PDE4D: variants seen among roughly 807,000 people sequenced by gnomAD.
PDE4D encodes the protein phosphodiesterase 4D.
Under a neutral mutation model 87.4 loss-of-function variants are expected in PDE4D, and 24 were observed. The observed-to-expected ratio is 0.27, with a 90% CI of 0.20 to 0.39. PDE4D has a LOEUF of 0.39. PDE4D is among the 10% of genes least tolerant of loss of function. The pLI is 1.00. For missense variants in PDE4D, 714 were observed against 1,041.0 expected (o/e 0.69, Z 4.32); for synonymous variants, 384 against 383.2 (o/e 1.00, Z -0.02).
At chr5:59,254,139 T>G (rs779543811) in intron 1 of PDE4D, among the ~76,000 whole-genome samples, 14 of 152,010 alleles carry the variant, frequency 9.2e-5, no homozygotes, top group South Asian at 2.1e-4. Context: ...GTGCGGAAAG[T>G]AAAGACTCCC....
chr5:59,940,245 C>A (rs954234826), intron 3 of PDE4D, among the ~76,000 whole-genome samples: 7 of 152,194 alleles, frequency 4.6e-5, no homozygotes, highest in African/African-American at 1.7e-4. Flanking sequence ...GTTTCGGTTT[C>A]TTTCCTATGG....
At chr5:59,339,570 G>A (rs1184199185) in intron 1 of PDE4D, among the ~76,000 whole-genome samples, 4 of 152,124 alleles carry the variant, frequency 2.6e-5, no homozygotes, top group Admixed American at 2.0e-4. Context: ...AGACGGTAAC[G>A]ATACATGCAA....
intron 1 of PDE4D, among the ~76,000 whole-genome samples, chr5:60,263,600 G>C (rs1404286730): frequency 6.6e-6 from 1 of 152,180 alleles, no homozygotes; most frequent in Non-Finnish European, 1.5e-5. Context: ...GGTTTCTGTT[G>C]CTTCAATACA....
At chr5:59,020,130 G>A (rs1331755261) in intron 6 of PDE4D, among the ~76,000 whole-genome samples, 1 of 152,076 alleles carries the variant, frequency 6.6e-6, no homozygotes, top group Non-Finnish European at 1.5e-5. Context: ...AAATGGACAA[G>A]GATCAAATAC....
At position 59,890,254 on chromosome 5, in the gene PDE4D, TACACACACACACACAC is replaced by T. The variant is rs56258601; in HGVS notation, c.455+2898_455+2913del. Among the ~76,000 whole-genome samples, 212 of 145,456 alleles carry T rather than the reference TACACACACACACACAC, an allele frequency of 1.5e-3. 1 individual carries two copies. The highest frequency in any genetic ancestry group is 4.8e-3 in the African/African-American group (189 of 39,744). Reference sequence around the variant, plus strand: ...TGATGGTAAGATGGTGGTGCGCACGTACACACACACACACACACACACACACACACACACACACACA... The same window carrying T: ...TGATGGTAAGATGGTGGTGCGCACGTACACACACACACACACACACACACA... On this transcript the variant is annotated intron_variant, in intron 1 of 14. Transcript: ENST00000340635.
chr5:60,025,584 T>G (rs1430469285), intron 2 of PDE4D, among the ~76,000 whole-genome samples: 1 of 152,144 alleles, frequency 6.6e-6, no homozygotes, highest in Non-Finnish European at 1.5e-5. Flanking sequence ...ATTTTTAATA[T>G]TTATTATTTT....
At chr5:59,595,246 A>G (rs973436101) in intron 1 of PDE4D, among the ~76,000 whole-genome samples, 4 of 152,236 alleles carry the variant, frequency 2.6e-5, no homozygotes, top group African/African-American at 9.6e-5. Flanking sequence ...ATCTATTTAT[A>G]AAATCTGAAA....
chr5:60,033,389 A>T (rs1290873371), intron 2 of PDE4D, among the ~76,000 whole-genome samples: 1 of 152,140 alleles, frequency 6.6e-6, no homozygotes, highest in East Asian at 1.9e-4. Context: ...TCAAAAGACA[A>T]TTGTTGATGG....
intron 5 of PDE4D, among the ~76,000 whole-genome samples, chr5:59,132,682 A>C (rs989737548): frequency 6.6e-6 from 1 of 152,226 alleles, no homozygotes; most frequent in African/African-American, 2.4e-5. Flanking sequence ...ATATACAGGC[A>C]TAGGACTTCA....
intron 1 of PDE4D, among the ~76,000 whole-genome samples, chr5:59,493,078 T>C (rs1426361278): frequency 6.6e-6 from 1 of 152,176 alleles, no homozygotes; most frequent in African/African-American, 2.4e-5. Flanking sequence ...GAGGTGTCCA[T>C]TGGCTAAAAT....
At chr5:59,200,684 C>T (rs1265339254) in intron 2 of PDE4D, among the ~76,000 whole-genome samples, 3 of 96,806 alleles carry the variant, frequency 3.1e-5, no homozygotes, top group Non-Finnish European at 6.4e-5. Context: ...TACACGTATA[C>T]ATACATATGT....
chr5:59,418,601 G>A (rs1018608058), intron 1 of PDE4D, among the ~76,000 whole-genome samples: 1 of 152,094 alleles, frequency 6.6e-6, no homozygotes, highest in Non-Finnish European at 1.5e-5. Context: ...AATATTTAGA[G>A]AACAGATGAC....
At chr5:60,261,591 T>C (rs1749649366) in intron 1 of PDE4D, among the ~76,000 whole-genome samples, 1 of 152,166 alleles carries the variant, frequency 6.6e-6, no homozygotes, top group Admixed American at 6.6e-5. Flanking sequence ...TAATTAGCAC[T>C]GATGGTCTTT....
intron 1 of PDE4D, chr5:60,460,158 C>T (rs1746810028): frequency 1.3e-6 from 2 of 1,595,562 alleles, no homozygotes; most frequent in Admixed American, 3.4e-5. Flanking sequence ...CTTTATTCTG[C>T]ATTTGACTTG....
chr5:59,861,220 T>C (rs1746236281), intron 1 of PDE4D, among the ~76,000 whole-genome samples: 1 of 152,124 alleles, frequency 6.6e-6, no homozygotes, highest in Admixed American at 6.5e-5. Context: ...GGTTATTTGT[T>C]TTGATAAAGA....
intron 1 of PDE4D, among the ~76,000 whole-genome samples, chr5:60,313,016 G>A (rs12153271): frequency 0.066 from 10,009 of 151,936 alleles, 362 homozygotes; most frequent in Non-Finnish European, 0.08. Flanking sequence ...ACACCTAGAG[G>A]AAACAGAAAA....
chr5:58,982,259 ATATGGCCTT>A (rs1291351589), intron 11 of PDE4D, among the ~76,000 whole-genome samples: 3 of 152,190 alleles, frequency 2.0e-5, no homozygotes, highest in African/African-American at 7.2e-5. Context: ...TTCAGAGCAT[ATATGGCCTT>A]TATGGCCTTC....
chr5:59,960,861 A>G (rs1002584265), intron 3 of PDE4D, among the ~76,000 whole-genome samples: 1 of 152,170 alleles, frequency 6.6e-6, no homozygotes, highest in Non-Finnish European at 1.5e-5. Flanking sequence ...TCTAAAATAA[A>G]AAATTTAAAA....
At chr5:60,212,666 C>G (rs77325099) in intron 1 of PDE4D, among the ~76,000 whole-genome samples, 1 of 152,144 alleles carries the variant, frequency 6.6e-6, no homozygotes, top group South Asian at 2.1e-4. Context: ...AGGTTTAACC[C>G]GATTGCACCA....
Sources: allele counts gnomAD v4.1 joint callset (sites outside exome capture counted in the v4.1 genomes callset), GRCh38; gene constraint gnomAD v4.1.1; transcripts MANE v1.5; gene names NCBI Gene and HGNC (gene_info 2026-07-23, HGNC 2026-07-21).